Variants in ASIC2 observed in about 807,000 individuals in gnomAD.
The protein encoded by ASIC2 is acid-sensing ion channel 2.
A neutral mutation model predicts 57.3 loss-of-function variants in ASIC2; 25 were observed. That is an observed-to-expected ratio of 0.44 (90% confidence interval 0.32 to 0.61). The LOEUF (loss-of-function observed/expected upper bound fraction) is 0.61, where lower values mean the gene tolerates loss of function less well. Ranked by LOEUF, ASIC2 falls within the 20% of genes least tolerant of loss-of-function variation. ASIC2 has a pLI of 0.06. For missense variants in ASIC2, 641 were observed against 738.1 expected, an observed-to-expected ratio of 0.87 and a Z score of 1.52; for synonymous variants, 319 against 307.5, an observed-to-expected ratio of 1.04 and a Z score of -0.39.
intron 1 of ASIC2, among the ~76,000 whole-genome samples, chr17:33,491,920 G>C: frequency 6.6e-6 from 1 of 152,126 alleles, no homozygotes; most frequent in East Asian, 1.9e-4. Flanking sequence ...TTTTCTCCTC[G>C]TGGCCCTAAT....
At chr17:33,056,026 G>C (rs2091996636) in intron 3 of ASIC2, among the ~76,000 whole-genome samples, 1 of 152,204 alleles carries the variant, frequency 6.6e-6, no homozygotes, top group Non-Finnish European at 1.5e-5. Flanking sequence ...AAACTCCCTA[G>C]AGGATTCTCA....
At chr17:33,854,595 G>A (rs1913865440) in intron 1 of ASIC2, among the ~76,000 whole-genome samples, 1 of 152,202 alleles carries the variant, frequency 6.6e-6, no homozygotes, top group African/African-American at 2.4e-5. Context: ...AGGGAACTGT[G>A]GGTGGGGGAA....
At chr17:34,008,111 A>G (rs1015322235) in intron 1 of ASIC2, among the ~76,000 whole-genome samples, 3 of 152,228 alleles carry the variant, frequency 2.0e-5, no homozygotes, top group Non-Finnish European at 4.4e-5. Context: ...ACAAAAAATC[A>G]GGTATTTTTA....
At chr17:34,102,331 A>T (rs1424545796) in intron 1 of ASIC2, among the ~76,000 whole-genome samples, 3 of 152,082 alleles carry the variant, frequency 2.0e-5, no homozygotes, top group Non-Finnish European at 2.9e-5. Context: ...CTCCGTCTAA[A>T]AAATAAATAA....
chr17:33,409,137 C>T (rs1025657179), intron 1 of ASIC2, among the ~76,000 whole-genome samples: 2 of 152,106 alleles, frequency 1.3e-5, no homozygotes, highest in Admixed American at 1.3e-4. Context: ...ATTTATTGAG[C>T]CTGGGAGGCA....
chr17:33,431,940 T>A (rs1911435599), intron 1 of ASIC2, among the ~76,000 whole-genome samples: 1 of 152,100 alleles, frequency 6.6e-6, no homozygotes, highest in African/African-American at 2.4e-5. Flanking sequence ...AAGAAAATGA[T>A]GCAAGGACAA....
intron 1 of ASIC2, among the ~76,000 whole-genome samples, chr17:34,057,879 C>A (rs1384093568): frequency 6.6e-6 from 1 of 151,956 alleles, no homozygotes; most frequent in Non-Finnish European, 1.5e-5. Context: ...CCAATACTTT[C>A]CACATTTTCA....
intron 1 of ASIC2, among the ~76,000 whole-genome samples, chr17:34,140,636 C>T (rs1598045090): frequency 6.6e-6 from 1 of 152,132 alleles, no homozygotes; most frequent in African/African-American, 2.4e-5. Context: ...GTCAAAAGCA[C>T]ACAAAGTCAG....
At chr17:34,038,858 C>T (rs1907990604) in intron 1 of ASIC2, 1 of 1,612,356 alleles carries the variant, frequency 6.2e-7, no homozygotes, top group Non-Finnish European at 8.5e-7. Context: ...TAACATTTTC[C>T]GTTGTCTTTC....
intron 1 of ASIC2, among the ~76,000 whole-genome samples, chr17:33,856,681 C>T (rs1372336802): frequency 2.0e-5 from 3 of 151,934 alleles, no homozygotes; most frequent in African/African-American, 7.3e-5. Flanking sequence ...TTGAGTTGTG[C>T]CAGAGGAATG....
chr17:34,050,423 G>A (rs1284334285), intron 1 of ASIC2, among the ~76,000 whole-genome samples: 1 of 152,068 alleles, frequency 6.6e-6, no homozygotes, highest in African/African-American at 2.4e-5. Flanking sequence ...GTGAAGGCTG[G>A]CACGGTTACT....
At position 34,115,625 on chromosome 17, in the gene ASIC2, C is replaced by T. The variant is rs114956972; in HGVS notation, c.555+40353G>A. 7.7e-3 allele frequency among the ~76,000 whole-genome samples: 1,168 copies of T among 152,294 alleles called. 13 individuals carry two copies. The highest frequency in any genetic ancestry group is 0.026 in the African/African-American group (1,094 of 41,552). On this transcript the variant is annotated intron_variant, in intron 1 of 9. Transcript: ENST00000359872. ...TCTATTCTTGTGTGGCTTGGAGCTG[C>T]TCAAATATTTGCAAGTCTAACCAGG... is the stretch of plus-strand genomic sequence containing the variant.
At chr17:33,454,728 G>C (rs1161361843) in intron 1 of ASIC2, among the ~76,000 whole-genome samples, 2 of 152,192 alleles carry the variant, frequency 1.3e-5, no homozygotes, top group South Asian at 4.1e-4. Context: ...TGGAGGCTGA[G>C]AATTCCAAGA....
Position 33,023,876 on chromosome 17 carries a change from G to A in ASIC2, c.1334C>T (p.Ser445Leu). The A allele has an allele frequency of 6.2e-7, 1 of 1,614,128 alleles. No individual in the cohort carries two copies. Among genetic ancestry groups the A allele is most frequent in the Non-Finnish European group, 8.5e-7 (1 of 1,180,020 alleles). ...AKYLEKKFNK[S>L]EKYISENILV... is the part of the protein sequence containing the mutation. ...CTAAACTTACGAGATATATTTTTCT[G>A]ATTTGTTAAATTTCTTCTCAAGGTA... The change falls in exon 6 of 10, where the codon TCA (serine) becomes TTA (leucine). Residue 445 changes from serine (S) to leucine (L), a missense_variant. Around this residue, in one of 3 missense-constraint regions of ASIC2, gnomAD observed 252 missense variants for 319.8 expected, o/e 0.79. Transcript: ENST00000225823.
At chr17:33,534,095 G>C (rs1270234271) in intron 1 of ASIC2, 1 of 152,106 alleles carries the variant, frequency 6.6e-6, no homozygotes, top group African/African-American at 2.4e-5. Flanking sequence ...TTCTGCCCTT[G>C]CTACGATGCT....
intron 1 of ASIC2, among the ~76,000 whole-genome samples, chr17:34,095,640 TA>T (rs1235421380): frequency 1.1e-4 from 15 of 135,722 alleles, no homozygotes; most frequent in African/African-American, 4.1e-4. Flanking sequence ...ATTTTATATA[TA>T]TATATATATA....
At chr17:33,591,694 T>C (rs901644981) in intron 1 of ASIC2, among the ~76,000 whole-genome samples, 1 of 152,144 alleles carries the variant, frequency 6.6e-6, no homozygotes, top group Non-Finnish European at 1.5e-5. Flanking sequence ...TTGACTGATA[T>C]AGGGGCACAA....
At chr17:33,711,601 CA>C (rs960077959) in intron 1 of ASIC2, among the ~76,000 whole-genome samples, 6 of 152,136 alleles carry the variant, frequency 3.9e-5, no homozygotes, top group African/African-American at 1.4e-4. Flanking sequence ...CTACATGGCT[CA>C]GGGGGCCTCA....
intron 3 of ASIC2, among the ~76,000 whole-genome samples, chr17:33,049,944 C>T (rs554267349): frequency 1.8e-4 from 27 of 152,226 alleles, no homozygotes; most frequent in South Asian, 8.3e-4. Flanking sequence ...CATGCCTGTG[C>T]TCTTTTGTGC....
Sources: gnomAD v4.1 joint callset for allele counts (sites outside exome capture counted in the v4.1 genomes callset) on GRCh38, gnomAD v4.1.1 for gene constraint, gnomAD v4.1.1 regional missense constraint, MANE v1.5 for transcripts, NCBI Gene and HGNC (gene_info 2026-07-23, HGNC 2026-07-21) for gene names.